FYB1: variants seen among roughly 807,000 people sequenced by gnomAD.
FYB1 encodes FYN binding protein 1.
Under a neutral mutation model 94.1 loss-of-function variants are expected in FYB1, and 41 were observed. That is an observed-to-expected ratio of 0.44 (90% CI 0.34 to 0.57). The LOEUF (loss-of-function observed/expected upper bound fraction) is 0.57, where lower values mean the gene tolerates loss of function less well. Among genes scored for constraint, FYB1 ranks in the 20% least tolerant of loss-of-function variants. The pLI is 0.02. For missense variants in FYB1, 1,050 were observed against 976.8 expected (o/e 1.07, Z -1.00); for synonymous variants, 367 against 353.2 (o/e 1.04, Z -0.44).
chr5:39,254,746 C>T (rs566642024), intron 1 of FYB1, among the ~76,000 whole-genome samples: 18 of 152,160 alleles, frequency 1.2e-4, no homozygotes, highest in Middle Eastern at 3.4e-3. Flanking sequence ...CATCTGAAAA[C>T]TAAAGGTGCT....
At chr5:39,182,367 C>A (rs569343035) in intron 2 of FYB1, among the ~76,000 whole-genome samples, 1 of 148,544 alleles carries the variant, frequency 6.7e-6, no homozygotes, top group African/African-American at 2.5e-5. Flanking sequence ...GTATCATGTA[C>A]CGGTGCTATT....
At chr5:39,127,595 C>T (rs1740814173) in intron 11 of FYB1, 146 bp downstream of exon 11, 1 of 848,202 alleles carries the variant, frequency 1.2e-6, no homozygotes, top group African/African-American at 1.8e-5. Context: ...TCCTGGTTTA[C>T]AATTGCTGTT....
At chr5:39,263,317 A>G in intron 1 of FYB1, among the ~76,000 whole-genome samples, 1 of 152,198 alleles carries the variant, frequency 6.6e-6, no homozygotes, top group East Asian at 1.9e-4. Context: ...AGTGCAAGAT[A>G]TCAGCTAGAA....
At chr5:39,174,909 G>A (rs1320762364) in intron 2 of FYB1, among the ~76,000 whole-genome samples, 2 of 152,188 alleles carry the variant, frequency 1.3e-5, no homozygotes, top group South Asian at 2.1e-4. Context: ...GACTAAGGGC[G>A]AACAGAAGCA....
intron 1 of FYB1, among the ~76,000 whole-genome samples, chr5:39,268,240 C>A (rs1329692754): frequency 3.5e-5 from 5 of 140,988 alleles, no homozygotes; most frequent in Non-Finnish European, 7.8e-5. Flanking sequence ...TTCTTTTTTT[C>A]TTTTTTTTTT....
At chr5:39,224,479 G>T (rs1345151593), upstream of FYB1, among the ~76,000 whole-genome samples, 1 of 152,112 alleles carries the variant, frequency 6.6e-6, no homozygotes, top group Non-Finnish European at 1.5e-5. Flanking sequence ...GCTTGTTGTT[G>T]CCCTGCCAAC....
At chr5:39,126,462 A>C (rs182999013) in intron 11 of FYB1, among the ~76,000 whole-genome samples, 1 of 152,174 alleles carries the variant, frequency 6.6e-6, no homozygotes, top group East Asian at 1.9e-4. Flanking sequence ...TTGGGAAGCC[A>C]AAGTGGGAGG....
chr5:39,230,346 T>G (rs1432517947), intron 1 of FYB1, among the ~76,000 whole-genome samples: 1 of 152,130 alleles, frequency 6.6e-6, no homozygotes, highest in East Asian at 1.9e-4. Flanking sequence ...AGCCGAGGAA[T>G]GCAGGCAGCC....
chr5:39,189,339 G>A (rs148383398), intron 2 of FYB1, among the ~76,000 whole-genome samples: 50 of 150,200 alleles, frequency 3.3e-4, no homozygotes, highest in African/African-American at 1.1e-3. Flanking sequence ...CTCAGTTTCC[G>A]TACTTGCATT....
intron 1 of FYB1, among the ~76,000 whole-genome samples, chr5:39,244,511 GC>G (rs1412161913): frequency 6.6e-6 from 1 of 152,136 alleles, no homozygotes; most frequent in African/African-American, 2.4e-5. Flanking sequence ...TGGTGGATAA[GC>G]TTTTTGATGT....
At chr5:39,162,198 C>G (rs2150377340) in intron 2 of FYB1, among the ~76,000 whole-genome samples, 1 of 152,162 alleles carries the variant, frequency 6.6e-6, no homozygotes, top group Admixed American at 6.5e-5. Context: ...GGGTAAATAC[C>G]AAGAGTAGAA....
rs545236837 is a variant in FYB1, at chr5:39,174,830, A to G, written c.1136-21226T>C. 2.6e-4 allele frequency among the ~76,000 whole-genome samples: 39 copies of G among 152,314 alleles called. 1 individual carries two copies. The South Asian group carries it at 3.9e-3, about 15-fold the overall frequency. ...AATGGTGAAATAACTGAAAAGGTAC[A>G]TGTTACTCTCTAAGATGAAAGAGGA... On this transcript the variant is annotated intron_variant, in intron 2 of 18. Transcript: ENST00000512982.
Position 39,127,820 on chromosome 5 carries a change from T to G in FYB1, c.1841-13A>C. 6.3e-7 allele frequency: 1 copy of G among 1,589,606 alleles called. No homozygotes were observed. ...GGAGGGAATATCCCTTCATTTGGAT[T>G]GGAGGAAAATCTTCTGTTAATTTTA... On this transcript the variant is annotated splice_polypyrimidine_tract_variant and intron_variant, in intron 10 of 18. Coordinates refer to ENST00000512982, the MANE Select transcript of FYB1 (RefSeq NM_001465.6).
At chr5:39,193,426 A>T (rs1327236112) in intron 2 of FYB1, among the ~76,000 whole-genome samples, 1 of 152,136 alleles carries the variant, frequency 6.6e-6, no homozygotes, top group African/African-American at 2.4e-5. Flanking sequence ...ATTATCTAAA[A>T]CTCACTAGCG....
intron 12 of FYB1, among the ~76,000 whole-genome samples, chr5:39,125,676 GTGTT>G (rs1561140556): frequency 2.0e-5 from 3 of 152,166 alleles, no homozygotes; most frequent in Non-Finnish European, 2.9e-5. Flanking sequence ...GGGTGTGTCA[GTGTT>G]TGTGTATGAC....
At position 39,127,808 on chromosome 5, in the gene FYB1, C is replaced by T. The variant is rs749622028; in HGVS notation, c.1841-1G>A. The T allele has an allele frequency of 1.3e-6, 2 of 1,597,844 alleles. No individual in the cohort carries two copies. Among genetic ancestry groups the T allele is most frequent in the Non-Finnish European group, 1.7e-6 (2 of 1,173,240 alleles). On this transcript the variant is annotated splice_acceptor_variant, in intron 10 of 18. Transcript: ENST00000512982. LOFTEE classifies it high-confidence loss of function. ...TCATCTGGTGGTGGAGGGAATATCC[C>T]TTCATTTGGATTGGAGGAAAATCTT...
intron 16 of FYB1, among the ~76,000 whole-genome samples, chr5:39,113,503 G>T (rs953770175): frequency 6.6e-6 from 1 of 152,118 alleles, no homozygotes; most frequent in Non-Finnish European, 1.5e-5. Flanking sequence ...CCTCCCATAT[G>T]TGCCAGTTAA....
At chr5:39,235,219 A>G (rs1362737389) in intron 1 of FYB1, among the ~76,000 whole-genome samples, 1 of 152,012 alleles carries the variant, frequency 6.6e-6, no homozygotes. Context: ...GGCAAGAAAC[A>G]ATGACTGTCA....
At chr5:39,157,179 T>A (rs1743837278) in intron 2 of FYB1, among the ~76,000 whole-genome samples, 1 of 151,386 alleles carries the variant, frequency 6.6e-6, no homozygotes, top group Non-Finnish European at 1.5e-5. Context: ...ACTCTAGTCA[T>A]TTTTTTTTAT....
Sources: allele counts gnomAD v4.1 joint callset (sites outside exome capture counted in the v4.1 genomes callset), GRCh38; gene constraint gnomAD v4.1.1; transcripts MANE v1.5; gene names NCBI Gene and HGNC (gene_info 2026-07-23, HGNC 2026-07-21).